Variants in SARS1 observed in about 807,000 individuals in gnomAD.
The protein encoded by SARS1 is seryl-tRNA synthetase 1.
In SARS1, 25 loss-of-function variants were observed where a neutral mutation model predicts 63.7. The ratio of observed to expected loss-of-function variants is 0.39; its 90% CI spans 0.29 to 0.55. The LOEUF is 0.55. SARS1 is among the 20% of genes least tolerant of loss of function. SARS1 has a pLI of 0.62. For missense variants in SARS1, 417 were observed against 649.7 expected, an observed-to-expected ratio of 0.64 and a Z score of 3.89; for synonymous variants, 231 against 243.5, an observed-to-expected ratio of 0.95 and a Z score of 0.48.
At chr1:109,232,040 C>T (rs924654005) in intron 6 of SARS1, among the ~76,000 whole-genome samples, 1 of 152,148 alleles carries the variant, frequency 6.6e-6, no homozygotes, top group Non-Finnish European at 1.5e-5. Flanking sequence ...TTACCTTTCC[C>T]TGGGTAATCT....
Position 109,235,376 on chromosome 1 carries a change from T to A in SARS1, c.914T>A (p.Val305Glu). ...AGLSTCFRQE[V>E]GSHGRDTRGI... ...CTGTCTACCTGCTTCCGTCAGGAGG[T>A]GGGCTCCCATGGCCGTGACACCCGT... The change falls in exon 7 of 11, where the codon GTG becomes GAG. Residue 305 changes from valine to glutamate, a missense_variant. Val to Glu is a moderately radical substitution (Grantham distance 121). Coordinates refer to ENST00000234677, the MANE Select transcript of SARS1 (RefSeq NM_006513.4). The surrounding 1 kb of genome is among the most constrained non-coding windows in gnomAD (Gnocchi z 4.7). The A allele has an allele frequency of 1.9e-6, 3 of 1,613,898 alleles. No individual in the cohort carries two copies. The highest frequency in any genetic ancestry group is 2.5e-6 in the Non-Finnish European group (3 of 1,180,006).
At chr1:109,234,701 C>T (rs150094279) in intron 6 of SARS1, among the ~76,000 whole-genome samples, 68 of 152,342 alleles carry the variant, frequency 4.5e-4, no homozygotes, top group African/African-American at 1.6e-3. Context: ...CACAGTGGCT[C>T]ACGCCTGTAA....
At chr1:109,226,001 C>CT (rs532059135) in intron 2 of SARS1, among the ~76,000 whole-genome samples, 79 of 151,990 alleles carry the variant, frequency 5.2e-4, no homozygotes, top group South Asian at 1.9e-3. Flanking sequence ...AACTTTTTTT[C>CT]TTTTTTTCTG....
At chr1:109,219,303 G>GTA (rs1281760276) in intron 1 of SARS1, among the ~76,000 whole-genome samples, 1 of 66,006 alleles carries the variant, frequency 1.5e-5, no homozygotes, top group Non-Finnish European at 3.4e-5. Flanking sequence ...TACATATACA[G>GTA]TATATATATA....
At chr1:109,230,614 C>T (rs1453998689) in intron 4 of SARS1, among the ~76,000 whole-genome samples, 1 of 152,064 alleles carries the variant, frequency 6.6e-6, no homozygotes, top group Non-Finnish European at 1.5e-5. Flanking sequence ...CGAGACCAGC[C>T]TAGGTAAAAT....
chr1:109,235,265 T>G lies in SARS1; in HGVS notation c.803T>G (p.Leu268Arg). 6.2e-7 allele frequency: 1 copy of G among 1,614,150 alleles called. No individual in the cohort carries two copies. The highest frequency in any genetic ancestry group is 8.5e-7 in the Non-Finnish European group (1 of 1,180,032). ...GACAACTCCTATGATGAGAAGTACC[T>G]GATTGCCACCTCAGAGCAGCCCATT... is the stretch of plus-strand genomic sequence containing the variant. Reference protein sequence around the residue: ...SDDNSYDEKYLIATSEQPIAA... With the variant: ...SDDNSYDEKYRIATSEQPIAA... Residue 268 changes from leucine to arginine, a missense_variant, in exon 7 of 11, where the codon CTG becomes CGG. Physicochemically the swap from Leu to Arg is moderately radical, Grantham distance 102. Around this residue, in one of 3 missense-constraint regions of SARS1, gnomAD observed 359 missense variants for 529.6 expected, o/e 0.68. Coordinates refer to ENST00000234677, the MANE Select transcript of SARS1 (RefSeq NM_006513.4). This position sits in a 1 kb window ranked among gnomAD's most constrained non-coding sequence, Gnocchi z 4.7.
Position 109,229,414 on chromosome 1 carries a change from A to G in SARS1, c.289A>G (p.Asn97Asp), listed in dbSNP as rs1324196110. The change falls in exon 4 of 11, where the codon AAC becomes GAC. Residue 97 changes from asparagine (N) to aspartate (D), a missense_variant and splice_region_variant. By Grantham distance (23) the Asn-to-Asp change is conservative. This residue lies in a region of SARS1 where 359 missense variants were observed against 529.6 expected (regional missense o/e 0.68). Coordinates refer to ENST00000234677, the MANE Select transcript of SARS1 (RefSeq NM_006513.4). Reference sequence around the variant, plus strand: ...ATGGGCCTGGCCTGTTCATCTGCAGAACCTGAAAGTCTCACAAATCAAAAA... The same window carrying G: ...ATGGGCCTGGCCTGTTCATCTGCAGGACCTGAAAGTCTCACAAATCAAAAA... The part of the protein sequence containing the change: ...FDDLTADALA[N>D]LKVSQIKKVR... 4 of 1,613,800 alleles carry G rather than the reference A, an allele frequency of 2.5e-6. No individual in the cohort carries two copies. Among genetic ancestry groups the G allele is most frequent in the Non-Finnish European group, 3.4e-6 (4 of 1,179,928 alleles).
chr1:109,234,125 C>T (rs1158616297), intron 6 of SARS1, among the ~76,000 whole-genome samples: 4 of 151,468 alleles, frequency 2.6e-5, no homozygotes, highest in Non-Finnish European at 2.9e-5. Context: ...GTGAACCACC[C>T]GCCTTGGCCT....
At chr1:109,221,992 A>G (rs12028612) in intron 1 of SARS1, among the ~76,000 whole-genome samples, 21,982 of 35,008 alleles carry the variant, frequency 0.63, 7,288 homozygotes, top group Admixed American at 0.7. Context: ...ATATATATAT[A>G]TATATATATA....
At chr1:109,215,416 G>T in intron 1 of SARS1, 2 of 985,426 alleles carry the variant, frequency 2.0e-6, no homozygotes, top group Non-Finnish European at 2.4e-6. Flanking sequence ...ACATCTGAGG[G>T]ATTTGTCCCT....
Position 109,233,471 on chromosome 1 carries a change from C to G in SARS1, c.747+1685C>G, listed in dbSNP as rs540106301. ...GCCTCTAAACACTGATCCAGGGGAACCTTTCTTCCTTACTTTTTTTTTTTT... is the reference window on the plus strand; with the variant it reads ...GCCTCTAAACACTGATCCAGGGGAAGCTTTCTTCCTTACTTTTTTTTTTTT... On this transcript the variant is annotated intron_variant, in intron 6 of 10. Transcript: ENST00000234677. 6.0e-5 allele frequency among the ~76,000 whole-genome samples: 8 copies of G among 133,644 alleles called. No homozygotes were observed. In the East Asian group the frequency reaches 1.9e-3, roughly 32 times the overall value. The allele number at this position is 133,644 out of a possible 152,430, so 87.7% of individuals were successfully genotyped here. A position where few individuals can be genotyped will look rare whatever the true frequency, so the allele number is the denominator to read the frequency against.
At chr1:109,220,545 AC>A (rs1477821185) in intron 1 of SARS1, among the ~76,000 whole-genome samples, 1 of 152,142 alleles carries the variant, frequency 6.6e-6, no homozygotes, top group African/African-American at 2.4e-5. Flanking sequence ...AAGCCTTTTG[AC>A]CAATTTTTAT....
At position 109,237,869 on chromosome 1, in the gene SARS1, T is replaced by C. The variant is rs1655348216; in HGVS notation, c.1526T>C (p.Met509Thr). ...DVTLENRLQN[M>T]EVTDA Reference sequence around the variant, plus strand: ...ACCCTAGAAAACAGGCTGCAGAACATGGAGGTCACCGATGCTTGAACATTC... The same window carrying C: ...ACCCTAGAAAACAGGCTGCAGAACACGGAGGTCACCGATGCTTGAACATTC... Residue 509 changes from methionine to threonine, a missense_variant, in exon 11 of 11, where the codon ATG (methionine) becomes ACG (threonine). Met to Thr is a moderately conservative substitution (Grantham distance 81). This residue lies in a region of SARS1 where 43 missense variants were observed against 68.1 expected (regional missense o/e 0.63). Transcript: ENST00000234677. The surrounding 1 kb of genome is among the most constrained non-coding windows in gnomAD (Gnocchi z 4.1). 2 of 1,614,188 alleles carry C rather than the reference T, an allele frequency of 1.2e-6. No individual in the cohort carries two copies. Among genetic ancestry groups the C allele is most frequent in the Non-Finnish European group, 1.7e-6 (2 of 1,180,030 alleles).
Position 109,237,216 on chromosome 1 carries a change from C to A in SARS1, c.1258-28C>A, listed in dbSNP as rs1424041879. ...AAGACCCGATGAGAGTTGAGCCCGACTTCCCCTCTGGGACCCTGTCTTCCC... is the reference window on the plus strand; with the variant it reads ...AAGACCCGATGAGAGTTGAGCCCGAATTCCCCTCTGGGACCCTGTCTTCCC... On this transcript the variant is annotated intron_variant, in intron 9 of 10. Coordinates refer to ENST00000234677, the MANE Select transcript of SARS1 (RefSeq NM_006513.4). The surrounding 1 kb of genome is among the most constrained non-coding windows in gnomAD (Gnocchi z 4.1). 5.6e-6 allele frequency: 9 copies of A among 1,599,926 alleles called. No homozygotes were observed. Among genetic ancestry groups the A allele is most frequent in the Non-Finnish European group, 6.8e-6 (8 of 1,174,312 alleles).
Position 109,235,344 on chromosome 1 carries a change from T to C in SARS1, c.882T>C (p.Tyr294=), listed in dbSNP as rs1335834761. 1.9e-6 allele frequency: 3 copies of C among 1,614,034 alleles called. No individual in the cohort carries two copies. The highest frequency in any genetic ancestry group is 1.3e-5 in the African/African-American group (1 of 74,906). The change falls in exon 7 of 11, where the codon TAT becomes TAC. Residue 294 remains tyrosine (Y), a synonymous_variant. Transcript: ENST00000234677. This position sits in a 1 kb window ranked among gnomAD's most constrained non-coding sequence, Gnocchi z 4.7. The stretch of plus-strand genomic sequence containing the variant: ...GGCCGGAGGACCTGCCCATCAAGTA[T>C]GCTGGCCTGTCTACCTGCTTCCGTC... ...WLRPEDLPIK[Y]AGLSTCFRQE...
chr1:109,227,228 C>T (rs765723057), intron 2 of SARS1, among the ~76,000 whole-genome samples: 51 of 151,578 alleles, frequency 3.4e-4, no homozygotes, highest in Non-Finnish European at 5.9e-4. Context: ...CTCCTGACCT[C>T]GTGATCCACC....
intron 1 of SARS1, chr1:109,215,904 A>G: frequency 4.6e-6 from 2 of 437,898 alleles, no homozygotes; most frequent in Non-Finnish European, 6.1e-6. Context: ...GAGTTTCACC[A>G]TGTTGGCCAG....
chr1:109,229,361 G>C, intron 3 of SARS1, 53 bp from the exon 4 acceptor site: 1 of 1,580,886 alleles, frequency 6.3e-7, no homozygotes, highest in Non-Finnish European at 8.6e-7. Context: ...TCATATTCCT[G>C]TGCTGTCCTT....
At chr1:109,216,081 A>C in intron 1 of SARS1, 1 of 985,276 alleles carries the variant, frequency 1.0e-6, no homozygotes, top group South Asian at 4.7e-5. Context: ...CTTTGCATCC[A>C]AATGGAATTT....
Sources: allele counts gnomAD v4.1 joint callset (sites outside exome capture counted in the v4.1 genomes callset), GRCh38; gene constraint gnomAD v4.1.1; regional missense constraint gnomAD v4.1.1; non-coding constraint Gnocchi (gnomAD v3.1); transcripts MANE v1.5; gene names NCBI Gene and HGNC (gene_info 2026-07-23, HGNC 2026-07-21).